The following WNT7B variants were observed in gnomAD, a reference collection of about 807,000 sequenced individuals.
WNT7B encodes protein Wnt-7b.
WNT7B carries 19 observed loss-of-function variants against 38.2 expected under a neutral mutation model. That is an observed-to-expected ratio of 0.50 (90% CI 0.35 to 0.73). WNT7B has a LOEUF of 0.73. Among genes scored for constraint, WNT7B ranks in the 30% least tolerant of loss-of-function variants. The probability of loss-of-function intolerance (pLI) is 0.01; values close to 1 mark genes in which losing one functional copy is unlikely to be tolerated. For synonymous variants in WNT7B, 243 were observed against 209.3 expected, an observed-to-expected ratio of 1.16 and a Z score of -1.39; for missense variants, 423 against 507.9, an observed-to-expected ratio of 0.83 and a Z score of 1.61.
At chr22:45,953,341 C>T (rs1170035655) in intron 1 of WNT7B, among the ~76,000 whole-genome samples, 1 of 151,960 alleles carries the variant, frequency 6.6e-6, no homozygotes, top group Non-Finnish European at 1.5e-5. Flanking sequence ...TCACCATGTC[C>T]CCAGCTTCCC....
chr22:45,972,147 G>A, intron 1 of WNT7B: 1 of 405,404 alleles, frequency 2.5e-6, no homozygotes, highest in Non-Finnish European at 4.7e-6. Context: ...GCCGCCCGCG[G>A]CACTCACAAG....
intron 1 of WNT7B, among the ~76,000 whole-genome samples, chr22:45,954,505 C>G (rs1035066101): frequency 6.6e-6 from 1 of 152,192 alleles, no homozygotes; most frequent in African/African-American, 2.4e-5. Flanking sequence ...GAAGGGGATG[C>G]GAGAGGCCCA....
intron 2 of WNT7B, among the ~76,000 whole-genome samples, chr22:45,939,590 T>C (rs1569115460): frequency 6.6e-6 from 1 of 150,946 alleles, no homozygotes; most frequent in Non-Finnish European, 1.5e-5. Flanking sequence ...GCCCAGGAGT[T>C]TGAGACCAGC....
At chr22:45,947,399 G>A (rs1460596858) in intron 2 of WNT7B, among the ~76,000 whole-genome samples, 1 of 152,240 alleles carries the variant, frequency 6.6e-6, no homozygotes, top group Non-Finnish European at 1.5e-5. Flanking sequence ...TGCAGCCATA[G>A]GGCAGAGCCC....
chr22:45,958,000 C>A (rs113175808), intron 1 of WNT7B, among the ~76,000 whole-genome samples: 4 of 152,234 alleles, frequency 2.6e-5, no homozygotes, highest in African/African-American at 9.6e-5. Context: ...TCCCACGCAG[C>A]GAGAAGGTTA....
At chr22:45,947,742 G>A (rs904901773) in intron 2 of WNT7B, among the ~76,000 whole-genome samples, 4 of 152,212 alleles carry the variant, frequency 2.6e-5, no homozygotes, top group Admixed American at 6.5e-5. Context: ...CAGTAGGGGC[G>A]ATCAAGGGTG....
rs887066488 is a variant in WNT7B, at chr22:45,966,914, G to A, written c.71+9770C>T. ...GCAGGGACCCTCCCCAGCATCCCCGGCCCTCACTCCTGCATCTGCTTGTAT... is the reference window on the plus strand; with the variant it reads ...GCAGGGACCCTCCCCAGCATCCCCGACCCTCACTCCTGCATCTGCTTGTAT... On this transcript the variant is annotated intron_variant, in intron 1 of 3. Coordinates refer to ENST00000339464, the MANE Select transcript of WNT7B (RefSeq NM_058238.3). The surrounding 1 kb of genome is among the most constrained non-coding windows in gnomAD (Gnocchi z 4.2). Among the ~76,000 whole-genome samples, 1 of 151,500 alleles carries A rather than the reference G, an allele frequency of 6.6e-6. No individual in the cohort carries two copies. Among genetic ancestry groups the A allele is most frequent in the Non-Finnish European group, 1.5e-5 (1 of 67,858 alleles).
chr22:45,941,648 AG>A (rs1272432604), intron 2 of WNT7B, among the ~76,000 whole-genome samples: 9 of 152,136 alleles, frequency 5.9e-5, no homozygotes, highest in African/African-American at 2.2e-4. Flanking sequence ...GGGTGGCTTA[AG>A]GTGCCCAGGG....
intron 2 of WNT7B, among the ~76,000 whole-genome samples, chr22:45,938,402 C>T (rs1483619524): frequency 1.3e-5 from 2 of 151,660 alleles, no homozygotes; most frequent in Non-Finnish European, 2.9e-5. Flanking sequence ...TTCGGGAGGT[C>T]GAGGCGGGTG....
At chr22:45,932,438 A>G (rs1245019515) in intron 2 of WNT7B, among the ~76,000 whole-genome samples, 1 of 150,934 alleles carries the variant, frequency 6.6e-6, no homozygotes, top group Non-Finnish European at 1.5e-5. Flanking sequence ...AGAAGGGAGC[A>G]CTTGGTACCT....
At chr22:45,963,608 TC>T (rs1299736292) in intron 1 of WNT7B, among the ~76,000 whole-genome samples, 1 of 152,168 alleles carries the variant, frequency 6.6e-6, no homozygotes, top group Non-Finnish European at 1.5e-5. Flanking sequence ...TGGTTTGGTA[TC>T]AGAGACAAGA....
At chr22:45,953,738 A>AAAG (rs1010940571) in intron 1 of WNT7B, among the ~76,000 whole-genome samples, 7 of 151,526 alleles carry the variant, frequency 4.6e-5, no homozygotes, top group Non-Finnish European at 7.4e-5. Flanking sequence ...AAAAAAAAAA[A>AAAG]AAGAAGAAGA....
At chr22:45,972,038 G>A in intron 1 of WNT7B, 1 of 454,446 alleles carries the variant, frequency 2.2e-6, no homozygotes, top group Non-Finnish European at 3.9e-6. Context: ...GCGCGCGACG[G>A]TCACCCGGTG....
At chr22:45,943,284 T>C (rs1229125356) in intron 2 of WNT7B, among the ~76,000 whole-genome samples, 1 of 152,242 alleles carries the variant, frequency 6.6e-6, no homozygotes, top group Non-Finnish European at 1.5e-5. Context: ...ACTAAGCTCT[T>C]CCCTGCCGTT....
At position 45,931,140 on chromosome 22, in the gene WNT7B, C is replaced by T. The variant is rs148593614; in HGVS notation, c.528G>A (p.Ala176=). ...TGTTATGCAGGTTCATGAGGCGCCG[C>T]GCGTTCTTCTTGATCTCCCGAGCGT... The part of the protein sequence containing the change: ...FVDAREIKKN[A]RRLMNLHNNE... The change falls in exon 3 of 4, where the codon GCG becomes GCA. Residue 176 remains alanine, a synonymous_variant. Coordinates refer to ENST00000339464, the MANE Select transcript of WNT7B (RefSeq NM_058238.3). 103 of 1,594,276 alleles carry T rather than the reference C, an allele frequency of 6.5e-5. No homozygotes were observed. The highest frequency in any genetic ancestry group is 5.2e-4 in the Middle Eastern group (3 of 5,808).
At chr22:45,968,743 A>G (rs772500955) in intron 1 of WNT7B, among the ~76,000 whole-genome samples, 5 of 152,134 alleles carry the variant, frequency 3.3e-5, no homozygotes, top group Non-Finnish European at 5.9e-5. Context: ...GCCCACCTCC[A>G]GTGGGGGGTC....
intron 1 of WNT7B, among the ~76,000 whole-genome samples, chr22:45,955,882 G>T (rs1004477824): frequency 6.6e-6 from 1 of 152,220 alleles, no homozygotes; most frequent in African/African-American, 2.4e-5. Context: ...AGGCCCAGGA[G>T]CTTCCTGAGG....
At position 45,975,694 on chromosome 22, in the gene WNT7B, G is replaced by T. The variant is rs1932535283; in HGVS notation, c.71+990C>A. The T allele has an allele frequency of 3.3e-6, 2 of 598,736 alleles. No homozygotes were observed. The highest frequency in any genetic ancestry group is 6.3e-6 in the Non-Finnish European group (2 of 319,250). The allele number at this position is 598,736 out of a possible 1,614,324, so 37.1% of individuals were successfully genotyped here. ...CGGGTCTGTTCACCGCCTTGCCTGTGGCCTGGACGGGGCTCGCCTCGGGGC... is the reference window on the plus strand; with the variant it reads ...CGGGTCTGTTCACCGCCTTGCCTGTTGCCTGGACGGGGCTCGCCTCGGGGC... On this transcript the variant is annotated intron_variant, in intron 1 of 3. Transcript: ENST00000339464. The surrounding 1 kb of genome is among the most constrained non-coding windows in gnomAD (Gnocchi z 6.6).
intron 1 of WNT7B, chr22:45,972,116 G>GGGCCCC: frequency 3.0e-5 from 16 of 530,706 alleles, no homozygotes; most frequent in Non-Finnish European, 4.0e-5. Context: ...CCCGGGGGGA[G>GGGCCCC]CCCACCCGCC....
Sources: allele counts gnomAD v4.1 joint callset (sites outside exome capture counted in the v4.1 genomes callset), GRCh38; gene constraint gnomAD v4.1.1; non-coding constraint Gnocchi (gnomAD v3.1); transcripts MANE v1.5; gene names NCBI Gene and HGNC (gene_info 2026-07-23, HGNC 2026-07-21).